The following DEGS2 variants were observed in gnomAD, a reference collection of about 807,000 sequenced individuals.
DEGS2 encodes sphingolipid delta(4)-desaturase/C4-monooxygenase DES2.
Under a neutral mutation model 23.8 loss-of-function variants are expected in DEGS2, and 19 were observed. That is an observed-to-expected ratio of 0.80 (90% CI 0.56 to 1.17). DEGS2 has a LOEUF of 1.17. Among genes scored for constraint, DEGS2 ranks in the 50% most tolerant of loss-of-function variants. The pLI is 0.00. For missense variants in DEGS2, 390 were observed against 459.5 expected, an observed-to-expected ratio of 0.85 and a Z score of 1.38; for synonymous variants, 218 against 213.7, an observed-to-expected ratio of 1.02 and a Z score of -0.18.
At chr14:100,165,436 TGTGA>T in the DEGS2 span, among the ~76,000 whole-genome samples, 1 of 152,248 alleles carries the variant, frequency 6.6e-6, no homozygotes, top group African/African-American at 2.4e-5. Flanking sequence ...TCTTGAGAAC[TGTGA>T]GTGACAAACC....
In DEGS2 at chr14:100,146,828, A is replaced by G; in HGVS notation, c.905T>C (p.Phe302Ser). The G allele has an allele frequency of 6.2e-7, 1 of 1,613,784 alleles. No homozygotes were observed. The highest frequency in any genetic ancestry group is 8.5e-7 in the Non-Finnish European group (1 of 1,179,892). Residue 302 changes from phenylalanine to serine, a missense_variant, in exon 3 of 3, where the codon TTT becomes TCT. Coordinates refer to ENST00000305631, the MANE Select transcript of DEGS2 (RefSeq NM_206918.3). ...SWVKVLWDFV[F>S]EDSLGPYARV... Reference sequence around the variant, plus strand: ...GGCATAGGGCCCCAGGGAGTCCTCAAACACAAAATCCCAGAGCACCTTCAC... The same window carrying G: ...GGCATAGGGCCCCAGGGAGTCCTCAGACACAAAATCCCAGAGCACCTTCAC...
chr14:100,160,568 C>G (rs1459711052), upstream of DEGS2, among the ~76,000 whole-genome samples: 3 of 152,230 alleles, frequency 2.0e-5, no homozygotes, highest in Non-Finnish European at 4.4e-5. Flanking sequence ...CTCCCACTCC[C>G]TTGGAGTTTT....
chr14:100,164,244 T>C (rs1230625734), upstream of DEGS2, among the ~76,000 whole-genome samples: 1 of 152,072 alleles, frequency 6.6e-6, no homozygotes, highest in Non-Finnish European at 1.5e-5. Flanking sequence ...TCCTTGTCTA[T>C]CGTAACAGGG....
At chr14:100,161,979 G>A (rs1257259312), upstream of DEGS2, among the ~76,000 whole-genome samples, 1 of 151,722 alleles carries the variant, frequency 6.6e-6, no homozygotes, top group Non-Finnish European at 1.5e-5. Flanking sequence ...TTGAACCTGG[G>A]AGGCAGAGGT....
intron 1 of DEGS2, among the ~76,000 whole-genome samples, chr14:100,153,481 AG>A (rs890351012): frequency 1.2e-4 from 18 of 152,050 alleles, no homozygotes; most frequent in Non-Finnish European, 2.4e-4. Context: ...GCCACAAGAG[AG>A]GGGGAAAGCC....
intron 1 of DEGS2, 47 bp from the exon 2 acceptor site, chr14:100,149,757 A>C: frequency 6.5e-7 from 1 of 1,537,606 alleles, no homozygotes. Context: ...GTGGGGCTGC[A>C]CCCCGCCCTC....
intron 1 of DEGS2, 28 bp downstream of exon 1, chr14:100,159,478 A>C: frequency 6.8e-7 from 1 of 1,460,296 alleles, no homozygotes. Flanking sequence ...GGCGGTCCCC[A>C]CCGGGGTGGG....
At chr14:100,156,899 A>C (rs1889667024) in intron 1 of DEGS2, among the ~76,000 whole-genome samples, 1 of 152,238 alleles carries the variant, frequency 6.6e-6, no homozygotes, top group African/African-American at 2.4e-5. Context: ...AACAGGTGGA[A>C]AGGAAGCCCC....
intron 1 of DEGS2, 88 bp downstream of exon 1, chr14:100,159,418 G>A: frequency 9.4e-7 from 1 of 1,059,346 alleles, no homozygotes; most frequent in Non-Finnish European, 1.3e-6. Context: ...CAGAGCTGGA[G>A]CGGCCCGTCT....
At chr14:100,153,090 T>C (rs779271148) in intron 1 of DEGS2, among the ~76,000 whole-genome samples, 7 of 151,784 alleles carry the variant, frequency 4.6e-5, no homozygotes, top group Non-Finnish European at 8.8e-5. Flanking sequence ...GGCCTTATTA[T>C]GCAAAAAGTT....
At chr14:100,150,387 A>ACCCCCCCCCCCCCCC (rs778863717) in intron 1 of DEGS2, among the ~76,000 whole-genome samples, 1 of 92,274 alleles carries the variant, frequency 1.1e-5, no homozygotes, top group Non-Finnish European at 2.1e-5. Context: ...CCACCCCAAC[A>ACCCCCCCCCCCCCCC]CCCCCCCCCG....
chr14:100,154,825 C>T (rs890256862), intron 1 of DEGS2, among the ~76,000 whole-genome samples: 1 of 152,200 alleles, frequency 6.6e-6, no homozygotes, highest in Admixed American at 6.5e-5. Flanking sequence ...ACCCTTGCCT[C>T]CAAGAGTAGC....
chr14:100,150,945 T>C (rs1889560987), intron 1 of DEGS2, among the ~76,000 whole-genome samples: 1 of 152,190 alleles, frequency 6.6e-6, no homozygotes, highest in African/African-American at 2.4e-5. Context: ...CCGGAGCCAC[T>C]GGGACCCCAG....
At chr14:100,158,564 G>A (rs777018305) in intron 1 of DEGS2, among the ~76,000 whole-genome samples, 11 of 152,052 alleles carry the variant, frequency 7.2e-5, no homozygotes, top group East Asian at 1.9e-4. Flanking sequence ...TAAATAAAAC[G>A]CCCGATTAAA....
At position 100,146,494 on chromosome 14, in the gene DEGS2, G is replaced by C; in HGVS notation, c.*267C>G. 4.3e-6 allele frequency: 2 copies of C among 465,506 alleles called. No homozygotes were observed. Among genetic ancestry groups the C allele is most frequent in the Non-Finnish European group, 7.6e-6 (2 of 262,700 alleles). The allele number at this position is 465,506 out of a possible 1,614,324, so 28.8% of individuals were successfully genotyped here. On this transcript the variant is annotated 3_prime_UTR_variant, in exon 3 of 3. Coordinates refer to ENST00000305631, the MANE Select transcript of DEGS2 (RefSeq NM_206918.3). ...CAGCTCCGTGGGAACCGTGGGCTCA[G>C]AGCACCCAGGTCATGGTGGGGCAGG...
the DEGS2 span, among the ~76,000 whole-genome samples, chr14:100,165,627 C>A: frequency 6.6e-6 from 1 of 152,188 alleles, no homozygotes; most frequent in African/African-American, 2.4e-5. Flanking sequence ...GGTGCTGCTG[C>A]TGTGGACGCC....
chr14:100,151,267 G>A (rs1263787444), intron 1 of DEGS2, among the ~76,000 whole-genome samples: 1 of 152,272 alleles, frequency 6.6e-6, no homozygotes, highest in Non-Finnish European at 1.5e-5. Context: ...ATTAAAGGAA[G>A]TGCTCTGATC....
chr14:100,165,946 G>A, the DEGS2 span, among the ~76,000 whole-genome samples: 88 of 118,948 alleles, frequency 7.4e-4, 1 homozygote, highest in African/African-American at 2.7e-3. Flanking sequence ...AGAGTCAGGG[G>A]AGCCTGCCTG....
chr14:100,148,846 C>T (rs1337753470), intron 2 of DEGS2, 122 bp downstream of exon 2: 2 of 1,188,242 alleles, frequency 1.7e-6, no homozygotes, highest in Non-Finnish European at 2.3e-6. Context: ...AGTGGCCATG[C>T]CATGACTAGC....
Sources: allele counts gnomAD v4.1 joint callset (sites outside exome capture counted in the v4.1 genomes callset), GRCh38; gene constraint gnomAD v4.1.1; transcripts MANE v1.5; gene names NCBI Gene and HGNC (gene_info 2026-07-23, HGNC 2026-07-21).